The following STK4 variants were observed in gnomAD, a reference collection of about 807,000 sequenced individuals.
STK4 encodes the protein serine/threonine-protein kinase 4.
Under a neutral mutation model 64.9 loss-of-function variants are expected in STK4, and 30 were observed. The observed-to-expected ratio is 0.46, with a 90% CI of 0.35 to 0.63. The LOEUF (loss-of-function observed/expected upper bound fraction) is 0.63, where lower values mean the gene tolerates loss of function less well. STK4 is among the 20% of genes least tolerant of loss of function. The pLI, the probability that STK4 is intolerant of heterozygous loss-of-function variation, is 0.01. For missense variants in STK4, 466 were observed against 598.5 expected (o/e 0.78, Z 2.31); for synonymous variants, 177 against 199.0 (o/e 0.89, Z 0.93).
Position 45,024,979 on chromosome 20 carries a change from A to T in STK4, c.1154A>T (p.Asp385Val), listed in dbSNP as rs1197990310. The T allele has an allele frequency of 6.2e-7, 1 of 1,602,214 alleles. No individual in the cohort carries two copies. The highest frequency in any genetic ancestry group is 8.5e-7 in the Non-Finnish European group (1 of 1,175,280). Reference protein sequence around the residue: ...EEEEGTMKRRDETMQPAKPSF... With the variant: ...EEEEGTMKRRVETMQPAKPSF... ...CATTTTTCTTTGTTTTCAGGAAGGG[A>T]TGAGACCATGCAGCCTGCGAAACCA... Residue 385 changes from aspartate (D) to valine (V), a missense_variant, in exon 10 of 11, where the codon GAT becomes GTT. Around this residue, in one of 2 missense-constraint regions of STK4, gnomAD observed 276 missense variants for 308.9 expected, o/e 0.89. Transcript: ENST00000372806.
At chr20:44,977,724 A>T (rs563268958) in intron 2 of STK4, among the ~76,000 whole-genome samples, 2 of 152,332 alleles carry the variant, frequency 1.3e-5, no homozygotes, top group African/African-American at 4.8e-5. Context: ...AGATACACAA[A>T]CTTTATTTTG....
chr20:45,067,940 C>G (rs958375766), intron 10 of STK4, among the ~76,000 whole-genome samples: 1 of 152,150 alleles, frequency 6.6e-6, no homozygotes, highest in African/African-American at 2.4e-5. Flanking sequence ...GTGTCCTGTA[C>G]CGTGTTGTGA....
intron 10 of STK4, among the ~76,000 whole-genome samples, chr20:45,048,698 C>A (rs1330672644): frequency 6.6e-6 from 1 of 151,844 alleles, no homozygotes; most frequent in African/African-American, 2.4e-5. Context: ...GCCAGGCTGG[C>A]CTCGAACTCC....
In STK4 at chr20:44,994,960, TTTA is replaced by T. The variant is rs1387960651; in HGVS notation, c.526-127_526-125del. 5.4e-6 allele frequency: 4 copies of T among 742,090 alleles called. No individual in the cohort carries two copies. In the African/African-American group the frequency reaches 7.3e-5, roughly 14 times the overall value. 46.0% of individuals were successfully genotyped at this position (742,090 alleles called of 1,614,324 possible). ...ATGTATTTCAAGTACAAGGCATTTT[TTTA>T]TTGTTGGAAAAGCCTCTTTTTCTCA... On this transcript the variant is annotated intron_variant, in intron 5 of 10. Transcript: ENST00000372806.
At chr20:45,058,249 G>T (rs1259359556) in intron 10 of STK4, among the ~76,000 whole-genome samples, 1 of 151,938 alleles carries the variant, frequency 6.6e-6, no homozygotes, top group African/African-American at 2.4e-5. Context: ...GCTTGAGAGG[G>T]TATTTCTTTT....
intron 9 of STK4, among the ~76,000 whole-genome samples, chr20:45,008,731 C>T (rs2145715152): frequency 6.6e-6 from 1 of 152,204 alleles, no homozygotes; most frequent in Non-Finnish European, 1.5e-5. Flanking sequence ...AATAGCCATT[C>T]TTACTGGTAT....
chr20:45,010,886 A>G (rs1002360218), intron 9 of STK4, among the ~76,000 whole-genome samples: 1 of 152,218 alleles, frequency 6.6e-6, no homozygotes, highest in African/African-American at 2.4e-5. Context: ...CTGATAAGCT[A>G]ATGATATTGT....
At position 45,012,799 on chromosome 20, in the gene STK4, C is replaced by CT. The variant is rs57529086; in HGVS notation, c.1147+11460dup. Among the ~76,000 whole-genome samples, 281 of 115,580 alleles carry CT rather than the reference C, an allele frequency of 2.4e-3. 6 individuals carry two copies. Among genetic ancestry groups the CT allele is most frequent in the African/African-American group, 8.1e-3 (253 of 31,156 alleles). The allele number at this position is 115,580 out of a possible 152,430, so 75.8% of individuals were successfully genotyped here. ...ATATAATCTTCTTCTTCTTCTTCTT[C>CT]TTTTTTTTTTTTTTGAGGCACTGTC... On this transcript the variant is annotated intron_variant, in intron 9 of 10. Transcript: ENST00000372806.
intron 10 of STK4, among the ~76,000 whole-genome samples, chr20:45,046,446 GA>G (rs113468179): frequency 0.07 from 7,980 of 113,450 alleles, 258 homozygotes; most frequent in Non-Finnish European, 0.096. Flanking sequence ...AAACTAAAAG[GA>G]AAAAAAAAAA....
At chr20:44,972,415 C>G (rs45561731) in intron 2 of STK4, 4 of 303,778 alleles carry the variant, frequency 1.3e-5, no homozygotes, top group Non-Finnish European at 2.4e-5. Flanking sequence ...TAACAGATAG[C>G]ACTAATTAGA....
intron 10 of STK4, among the ~76,000 whole-genome samples, chr20:45,072,672 A>T (rs1332341872): frequency 6.6e-6 from 1 of 152,246 alleles, no homozygotes; most frequent in Admixed American, 6.5e-5. Context: ...TAAACTGTAC[A>T]TAAGTTAACA....
In STK4 at chr20:45,025,140, G is replaced by A. The variant is rs770696834; in HGVS notation, c.1305+10G>A. The A allele has an allele frequency of 2.1e-5, 33 of 1,601,304 alleles. No individual in the cohort carries two copies. Among genetic ancestry groups the A allele is most frequent in the Non-Finnish European group, 2.8e-5 (33 of 1,174,334 alleles). On this transcript the variant is annotated intron_variant, in intron 10 of 10. Transcript: ENST00000372806. Reference sequence around the variant, plus strand: ...TGGAGACTACGAGTTTGTAAGTAGTGTTGGAAGTAAATGGTTATGTCTTCA... The same window carrying A: ...TGGAGACTACGAGTTTGTAAGTAGTATTGGAAGTAAATGGTTATGTCTTCA...
chr20:45,069,077 C>T (rs1384295608), intron 10 of STK4, among the ~76,000 whole-genome samples: 1 of 152,160 alleles, frequency 6.6e-6, no homozygotes, highest in Non-Finnish European at 1.5e-5. Flanking sequence ...TGGGTAAAGG[C>T]GATGGTGAGG....
intron 10 of STK4, among the ~76,000 whole-genome samples, chr20:45,044,330 A>G (rs1443295230): frequency 6.6e-6 from 1 of 152,154 alleles, no homozygotes; most frequent in Non-Finnish European, 1.5e-5. Flanking sequence ...AATGAATGAT[A>G]AAATTATTGA....
At chr20:45,065,665 T>A (rs976338709) in intron 10 of STK4, among the ~76,000 whole-genome samples, 52 of 152,290 alleles carry the variant, frequency 3.4e-4, no homozygotes, top group African/African-American at 1.2e-3. Context: ...GTGTTCATAA[T>A]AGGTTCTGGG....
In STK4 at chr20:45,079,135, A is replaced by G. The variant is rs1233423790; in HGVS notation, c.*3959A>G. ...GAGGCTGAAGTGGGAGGATCACCTG[A>G]GCCCAGGGAGGTCAAGGATGCAGTG... On this transcript the variant is annotated 3_prime_UTR_variant, in exon 11 of 11. Coordinates refer to ENST00000372806, the MANE Select transcript of STK4 (RefSeq NM_006282.5). 2 of 152,020 alleles carry G rather than the reference A, an allele frequency of 1.3e-5. No individual in the cohort carries two copies. The highest frequency in any genetic ancestry group is 3.9e-4 in the East Asian group (2 of 5,186). 9.4% of individuals were successfully genotyped at this position (152,020 alleles called of 1,614,324 possible).
intron 10 of STK4, among the ~76,000 whole-genome samples, chr20:45,035,092 A>T (rs963755598): frequency 7.2e-5 from 11 of 152,180 alleles, no homozygotes; most frequent in Non-Finnish European, 1.6e-4. Context: ...GATAAAATAC[A>T]AAATAATGCA....
intron 9 of STK4, among the ~76,000 whole-genome samples, chr20:45,003,810 G>A (rs145281567): frequency 0.028 from 4,192 of 149,226 alleles, 181 homozygotes; most frequent in African/African-American, 0.093. Flanking sequence ...TCCACCTCCC[G>A]GGTTCAAGTG....
intron 10 of STK4, among the ~76,000 whole-genome samples, chr20:45,042,274 G>GC (rs2068625947): frequency 6.6e-6 from 1 of 150,376 alleles, no homozygotes; most frequent in African/African-American, 2.4e-5. Context: ...TTTACCTCCT[G>GC]TTTTTTTTTC....
Sources: allele counts gnomAD v4.1 joint callset (sites outside exome capture counted in the v4.1 genomes callset), GRCh38; gene constraint gnomAD v4.1.1; regional missense constraint gnomAD v4.1.1; transcripts MANE v1.5; gene names NCBI Gene and HGNC (gene_info 2026-07-23, HGNC 2026-07-21).